PEX5: variants seen among roughly 807,000 people sequenced by gnomAD.
PEX5 encodes the protein PTS1 receptor.
PEX5 carries 52 observed loss-of-function variants against 82.9 expected under a neutral mutation model. That is an observed-to-expected ratio of 0.63 (90% confidence interval 0.50 to 0.79). The LOEUF is 0.79. Among genes scored for constraint, PEX5 ranks in the 30% least tolerant of loss-of-function variants. The probability of loss-of-function intolerance (pLI) is 0.00; values close to 1 mark genes in which losing one functional copy is unlikely to be tolerated. For synonymous variants in PEX5, 300 were observed against 318.8 expected, an observed-to-expected ratio of 0.94 and a Z score of 0.63; for missense variants, 719 against 815.2, an observed-to-expected ratio of 0.88 and a Z score of 1.44.
chr12:7,196,375 TGTA>T (rs1213935208), intron 5 of PEX5, among the ~76,000 whole-genome samples: 1 of 138,724 alleles, frequency 7.2e-6, no homozygotes, highest in African/African-American at 2.6e-5. Flanking sequence ...ACATATATAA[TGTA>T]ATAATTATGT....
chr12:7,208,954 G>A, intron 13 of PEX5, 51 bp from the exon 14 acceptor site: 1 of 1,489,950 alleles, frequency 6.7e-7, no homozygotes, highest in Non-Finnish European at 9.4e-7. Context: ...TGGGGGGATG[G>A]GAATAGAGAC....
chr12:7,196,071 GTATA>G (rs1240800305), intron 5 of PEX5, among the ~76,000 whole-genome samples: 1 of 143,056 alleles, frequency 7.0e-6, no homozygotes, highest in Non-Finnish European at 1.5e-5. Context: ...TATATATAAT[GTATA>G]TATAATGTAT....
chr12:7,218,407 T>C (rs972138032), exon 18 of PEX5: 5 of 152,242 alleles, frequency 3.3e-5, no homozygotes, highest in Non-Finnish European at 1.5e-5. Flanking sequence ...TTTAGAAATA[T>C]ACAGCCTCTG....
intron 10 of PEX5, among the ~76,000 whole-genome samples, chr12:7,207,004 C>A (rs1205253897): frequency 6.6e-6 from 1 of 152,180 alleles, no homozygotes; most frequent in Non-Finnish European, 1.5e-5. Flanking sequence ...AGTGAGAAAT[C>A]CTCAGCTGGA....
intron 17 of PEX5, among the ~76,000 whole-genome samples, chr12:7,217,911 G>T (rs1945823940): frequency 6.6e-6 from 1 of 152,232 alleles, no homozygotes; most frequent in South Asian, 2.1e-4. Flanking sequence ...TTCACAGTCA[G>T]TCCCTGGCTG....
downstream of PEX5, among the ~76,000 whole-genome samples, chr12:7,216,033 T>C (rs10161170): frequency 0.29 from 43,964 of 151,988 alleles, 6,739 homozygotes; most frequent in South Asian, 0.37. Flanking sequence ...AATGGCACGA[T>C]CTCGGCTCAC....
downstream of PEX5, among the ~76,000 whole-genome samples, chr12:7,213,959 AAC>A (rs1417908467): frequency 6.9e-6 from 1 of 144,558 alleles, no homozygotes; most frequent in African/African-American, 2.4e-5. Context: ...GCAGCCAAAA[AAC>A]ACATGAAAAA....
chr12:7,201,875 G>C lies in PEX5; in HGVS notation c.642+34G>C. 8 of 1,508,276 alleles carry C rather than the reference G, an allele frequency of 5.3e-6. No homozygotes were observed. In the South Asian group the frequency reaches 5.6e-5, roughly 11 times the overall value. The allele number at this position is 1,508,276 out of a possible 1,614,324, so 93.4% of individuals were successfully genotyped here. A position where few individuals can be genotyped will look rare whatever the true frequency, so the allele number is the denominator to read the frequency against. On this transcript the variant is annotated intron_variant, in intron 7 of 15. Coordinates refer to ENST00000675855, the MANE Select transcript of PEX5 (RefSeq NM_001351132.2). Reference sequence around the variant, plus strand: ...CATCCCTCTGCTGCTTTGCCCAGCAGAGCTGGTTTTGGAAGGCAAGAATCT... The same window carrying C: ...CATCCCTCTGCTGCTTTGCCCAGCACAGCTGGTTTTGGAAGGCAAGAATCT...
At chr12:7,218,555 A>C (rs1945844006) in exon 18 of PEX5, 1 of 152,218 alleles carries the variant, frequency 6.6e-6, no homozygotes, top group East Asian at 1.9e-4. Context: ...AAAATTATTA[A>C]AGTTTTGACA....
chr12:7,201,517 A>G (rs1047601504), intron 6 of PEX5, among the ~76,000 whole-genome samples: 1 of 152,142 alleles, frequency 6.6e-6, no homozygotes, highest in Non-Finnish European at 1.5e-5. Flanking sequence ...GCCTGCTACT[A>G]TCCCATCTGT....
intron 6 of PEX5, among the ~76,000 whole-genome samples, chr12:7,201,332 T>TGTAC (rs1943995008): frequency 9.2e-6 from 1 of 108,504 alleles, no homozygotes; most frequent in Non-Finnish European, 1.9e-5. Flanking sequence ...CATACACACA[T>TGTAC]ACACGTATAT....
downstream of PEX5, among the ~76,000 whole-genome samples, chr12:7,213,881 A>G (rs1178098031): frequency 6.6e-6 from 1 of 151,882 alleles, no homozygotes. Context: ...AATTTACAAG[A>G]AAAAAACAAC....
chr12:7,202,387 C>G (rs115560701), intron 8 of PEX5, 36 bp downstream of exon 8: 1 of 1,611,206 alleles, frequency 6.2e-7, no homozygotes, highest in South Asian at 1.1e-5. Context: ...CACTTCAGAG[C>G]CAGCTGATGC....
chr12:7,199,220 T>TTA (rs1040494033), intron 6 of PEX5, 107 bp downstream of exon 6: 3 of 527,420 alleles, frequency 5.7e-6, no homozygotes, highest in Admixed American at 2.8e-5. Flanking sequence ...TTTTTTTTTT[T>TTA]TTTTTTTATC....
intron 10 of PEX5, among the ~76,000 whole-genome samples, chr12:7,206,590 C>T (rs1944829196): frequency 6.6e-6 from 1 of 151,908 alleles, no homozygotes; most frequent in African/African-American, 2.4e-5. Flanking sequence ...TATAATATGT[C>T]TTTCTTCTTA....
At chr12:7,193,234 C>CTTTT (rs11339507) in intron 5 of PEX5, among the ~76,000 whole-genome samples, 4 of 121,110 alleles carry the variant, frequency 3.3e-5, no homozygotes, top group African/African-American at 8.8e-5. Flanking sequence ...TCTTGAGATT[C>CTTTT]TTTTTTTTTT....
chr12:7,195,339 A>C (rs1216155756), intron 5 of PEX5, among the ~76,000 whole-genome samples: 1 of 152,170 alleles, frequency 6.6e-6, no homozygotes, highest in African/African-American at 2.4e-5. Flanking sequence ...AGATGTATCC[A>C]CATGGATCTG....
intron 1 of PEX5, 138 bp from the exon 2 acceptor site, chr12:7,190,224 T>A: frequency 6.3e-7 from 1 of 1,579,432 alleles, no homozygotes; most frequent in Non-Finnish European, 8.6e-7. Context: ...GAGGTGGGGG[T>A]CGCAGCAAAA....
intron 10 of PEX5, among the ~76,000 whole-genome samples, chr12:7,203,920 C>T (rs1434276424): frequency 6.6e-6 from 1 of 152,086 alleles, no homozygotes; most frequent in Non-Finnish European, 1.5e-5. Context: ...ACAGACTATC[C>T]CTTTGCCTCC....
Sources: gnomAD v4.1 joint callset for allele counts (sites outside exome capture counted in the v4.1 genomes callset) on GRCh38, gnomAD v4.1.1 for gene constraint, MANE v1.5 for transcripts, NCBI Gene and HGNC (gene_info 2026-07-23, HGNC 2026-07-21) for gene names.